The following PRXL2A variants were observed in gnomAD, a reference collection of about 807,000 sequenced individuals.
PRXL2A encodes peroxiredoxin-like 2A.
In PRXL2A, 26 loss-of-function variants were observed where a neutral mutation model predicts 25.6. That is an observed-to-expected ratio of 1.02 (90% CI 0.74 to 1.41). PRXL2A has a LOEUF of 1.41. Among genes scored for constraint, PRXL2A ranks in the 40% most tolerant of loss-of-function variants. The probability of loss-of-function intolerance (pLI) is 0.00; values close to 1 mark genes in which losing one functional copy is unlikely to be tolerated. For synonymous variants in PRXL2A, 98 were observed against 102.9 expected, an observed-to-expected ratio of 0.95 and a Z score of 0.29; for missense variants, 246 against 273.9, an observed-to-expected ratio of 0.90 and a Z score of 0.72.
At chr10:80,418,035 T>TA (rs1589554761) in intron 1 of PRXL2A, among the ~76,000 whole-genome samples, 1 of 152,042 alleles carries the variant, frequency 6.6e-6, no homozygotes, top group Non-Finnish European at 1.5e-5. Flanking sequence ...CTTTTTTTTT[T>TA]TTTTAATTAT....
At chr10:80,421,219 A>G (rs1424949209) in intron 2 of PRXL2A, among the ~76,000 whole-genome samples, 1 of 152,186 alleles carries the variant, frequency 6.6e-6, no homozygotes, top group Non-Finnish European at 1.5e-5. Context: ...CTGAGGAATC[A>G]CTTCAAGGTC....
rs10887872 is a variant in PRXL2A at position 80,436,524 on chromosome 10, A to C, written c.*4425A>C. 0.45 allele frequency: 67,629 copies of C among 151,774 alleles called. 15,799 individuals are homozygous for C. Among genetic ancestry groups the C allele is most frequent in the East Asian group, 0.93 (4,750 of 5,122 alleles). 9.4% of individuals were successfully genotyped at this position (151,774 alleles called of 1,614,324 possible). On this transcript the variant is annotated 3_prime_UTR_variant, in exon 6 of 6. Coordinates refer to ENST00000606162, the MANE Select transcript of PRXL2A (RefSeq NM_032333.5). ...TGTGGAAGACCAGCACACTCACGTC[A>C]GGAGACCTTACCTGGAGCCAGGATG...
chr10:80,418,199 T>C (rs1480527968), intron 1 of PRXL2A, among the ~76,000 whole-genome samples: 1 of 151,748 alleles, frequency 6.6e-6, no homozygotes, highest in African/African-American at 2.4e-5. Flanking sequence ...GTCCCCAGTG[T>C]CTGTTATTTC....
At chr10:80,430,113 T>G (rs1701674734) in intron 5 of PRXL2A, among the ~76,000 whole-genome samples, 1 of 96,870 alleles carries the variant, frequency 1.0e-5, no homozygotes. Context: ...TTTTTTTTTT[T>G]TCTGGAGACA....
intron 1 of PRXL2A, among the ~76,000 whole-genome samples, chr10:80,410,316 G>A (rs1391151407): frequency 6.6e-6 from 1 of 152,280 alleles, no homozygotes; most frequent in Admixed American, 6.5e-5. Flanking sequence ...GCTGGGCAGT[G>A]TCCTTTGCCT....
chr10:80,422,216 C>T (rs76761870), intron 2 of PRXL2A, among the ~76,000 whole-genome samples: 3 of 152,054 alleles, frequency 2.0e-5, no homozygotes, highest in Non-Finnish European at 4.4e-5. Context: ...GATTCTTAAG[C>T]TTGGTTAACT....
intron 5 of PRXL2A, among the ~76,000 whole-genome samples, chr10:80,430,296 G>T (rs1845207258): frequency 6.6e-6 from 1 of 151,894 alleles, no homozygotes; most frequent in Non-Finnish European, 1.5e-5. Flanking sequence ...GAGGCAGGGT[G>T]TCACCATGTT....
intron 3 of PRXL2A, among the ~76,000 whole-genome samples, chr10:80,425,140 C>T (rs1188488145): frequency 6.6e-6 from 1 of 152,060 alleles, no homozygotes; most frequent in Non-Finnish European, 1.5e-5. Context: ...ATTCTGACAC[C>T]AAATGTGAAA....
In PRXL2A at chr10:80,433,836, AAAG is replaced by A. The variant is rs1265272084; in HGVS notation, c.*1743_*1745del. 6.6e-6 allele frequency: 1 copy of A among 152,224 alleles called. No homozygotes were observed. The highest frequency in any genetic ancestry group is 1.5e-5 in the Non-Finnish European group (1 of 68,048). The allele number at this position is 152,224 out of a possible 1,614,324, so 9.4% of individuals were successfully genotyped here. A position where few individuals can be genotyped will look rare whatever the true frequency, so the allele number is the denominator to read the frequency against. ...ATGGTGAAACAGTTCTCTTGCAACT[AAAG>A]AAGAACCTGAGGTCAGGTGTGGTGG... On this transcript the variant is annotated 3_prime_UTR_variant, in exon 6 of 6. Coordinates refer to ENST00000606162, the MANE Select transcript of PRXL2A (RefSeq NM_032333.5).
intron 1 of PRXL2A, among the ~76,000 whole-genome samples, chr10:80,417,072 T>C (rs1006416870): frequency 6.6e-6 from 1 of 152,220 alleles, no homozygotes; most frequent in Admixed American, 6.5e-5. Flanking sequence ...TTAACTTTTA[T>C]ACCTGGTTTA....
chr10:80,421,007 T>C (rs527801985), intron 2 of PRXL2A, among the ~76,000 whole-genome samples: 2 of 152,320 alleles, frequency 1.3e-5, no homozygotes, highest in African/African-American at 4.8e-5. Flanking sequence ...AACCAGTGCT[T>C]CCAGAGTGTA....
chr10:80,428,091 T>C (rs1845114711), intron 5 of PRXL2A, among the ~76,000 whole-genome samples: 1 of 152,164 alleles, frequency 6.6e-6, no homozygotes, highest in Non-Finnish European at 1.5e-5. Context: ...GATGCTTTTT[T>C]CTGTGGGGAT....
In PRXL2A at chr10:80,434,826, T is replaced by C. The variant is rs761552898; in HGVS notation, c.*2727T>C. The C allele has an allele frequency of 2.6e-5, 4 of 151,700 alleles. No homozygotes were observed. Among genetic ancestry groups the C allele is most frequent in the Non-Finnish European group, 5.9e-5 (4 of 67,926 alleles). The allele number at this position is 151,700 out of a possible 1,614,324, so 9.4% of individuals were successfully genotyped here. ...ACAAAGGGATGGCTCCCAGAAAAAG[T>C]GAGAAACACATTCCTGTGCAGCAGA... On this transcript the variant is annotated 3_prime_UTR_variant, in exon 6 of 6. Coordinates refer to ENST00000606162, the MANE Select transcript of PRXL2A (RefSeq NM_032333.5).
chr10:80,422,709 GC>G (rs1844914635), intron 3 of PRXL2A, among the ~76,000 whole-genome samples: 1 of 150,092 alleles, frequency 6.7e-6, no homozygotes, highest in Non-Finnish European at 1.5e-5. Flanking sequence ...ACTGGGGTTA[GC>G]AACACATCTC....
intron 2 of PRXL2A, among the ~76,000 whole-genome samples, chr10:80,421,757 C>T (rs1209290083): frequency 6.6e-6 from 1 of 152,004 alleles, no homozygotes; most frequent in Admixed American, 6.6e-5. Flanking sequence ...TCTATATTAC[C>T]AGACATTGTG....
intron 3 of PRXL2A, among the ~76,000 whole-genome samples, chr10:80,422,776 GACC>G (rs1353888609): frequency 4.6e-5 from 7 of 151,890 alleles, no homozygotes; most frequent in Non-Finnish European, 5.9e-5. Context: ...CTGAGTCCTG[GACC>G]ATATTCCAAT....
In PRXL2A at chr10:80,422,437, A is replaced by G. The variant is rs1430650935; in HGVS notation, c.199A>G (p.Lys67Glu). ...CTTAGAACCAAGGACTTTCAAAGCA[A>G]AGGAGCTATGGGAAAAAAATGGAGC... ...LEKEPRTFKA[K>E]ELWEKNGAVI... The change falls in exon 3 of 6, where the codon AAG becomes GAG. Residue 67 changes from lysine (K) to glutamate (E), a missense_variant. By Grantham distance (56) the Lys-to-Glu change is moderately conservative. Transcript: ENST00000606162. 4 of 1,613,978 alleles carry G rather than the reference A, an allele frequency of 2.5e-6. No individual in the cohort carries two copies. The highest frequency in any genetic ancestry group is 3.4e-6 in the Non-Finnish European group (4 of 1,179,956).
At chr10:80,423,886 C>G (rs1844945611) in intron 3 of PRXL2A, among the ~76,000 whole-genome samples, 1 of 152,210 alleles carries the variant, frequency 6.6e-6, no homozygotes, top group South Asian at 2.1e-4. Context: ...CTTCTGAAGA[C>G]TATAGGGGAG....
intron 1 of PRXL2A, among the ~76,000 whole-genome samples, chr10:80,410,906 A>T (rs150933082): frequency 7.2e-5 from 11 of 152,324 alleles, no homozygotes; most frequent in African/African-American, 2.6e-4. Flanking sequence ...ATAATCAGCT[A>T]CTGGGAAACC....
Sources: allele counts gnomAD v4.1 joint callset (sites outside exome capture counted in the v4.1 genomes callset), GRCh38; gene constraint gnomAD v4.1.1; transcripts MANE v1.5; gene names NCBI Gene and HGNC (gene_info 2026-07-23, HGNC 2026-07-21).